Variants in ELAPOR1 observed in about 807,000 individuals in gnomAD.
ELAPOR1 encodes the protein endosome-lysosome associated apoptosis and autophagy regulator 1.
ELAPOR1 carries 77 observed loss-of-function variants against 119.7 expected under a neutral mutation model. That is an observed-to-expected ratio of 0.64 (90% confidence interval 0.54 to 0.78). The LOEUF is 0.78. Ranked by LOEUF, ELAPOR1 falls within the 30% of genes least tolerant of loss-of-function variation. ELAPOR1 has a pLI of 0.00. For missense variants in ELAPOR1, 1,115 were observed against 1,270.4 expected (o/e 0.88, Z 1.86); for synonymous variants, 481 against 487.2 (o/e 0.99, Z 0.17).
chr1:109,149,689 A>G (rs1433660064), intron 1 of ELAPOR1, among the ~76,000 whole-genome samples: 1 of 152,186 alleles, frequency 6.6e-6, no homozygotes, highest in Non-Finnish European at 1.5e-5. Flanking sequence ...TGTTCTGAAG[A>G]CACTTACATT....
intron 1 of ELAPOR1, among the ~76,000 whole-genome samples, chr1:109,133,980 G>A (rs1649304404): frequency 6.6e-6 from 1 of 152,180 alleles, no homozygotes; most frequent in East Asian, 1.9e-4. Flanking sequence ...GTGGACTCCT[G>A]TTCCCAGTGA....
At chr1:109,142,286 C>A (rs972943465) in intron 1 of ELAPOR1, among the ~76,000 whole-genome samples, 1 of 152,084 alleles carries the variant, frequency 6.6e-6, no homozygotes, top group Admixed American at 6.6e-5. Flanking sequence ...AACTAGAAGA[C>A]GTATAGGTAG....
rs567022150 is a variant in ELAPOR1, at chr1:109,124,630, A to G, written c.153+10294A>G. 6.6e-5 allele frequency among the ~76,000 whole-genome samples: 10 copies of G among 152,290 alleles called. No individual in the cohort carries two copies. The South Asian group carries it at 2.1e-3, about 32-fold the overall frequency. ...GCATATATATTTCATATTGTTCCCT[A>G]TTTCTCCATTTATCTTTTGGAGAAA... On this transcript the variant is annotated intron_variant, in intron 1 of 21. Transcript: ENST00000369939.
intron 8 of ELAPOR1, chr1:109,186,724 C>A (rs779627883): frequency 5.1e-6 from 5 of 985,558 alleles, no homozygotes; most frequent in Non-Finnish European, 6.0e-6. Flanking sequence ...TCCTGCTGCT[C>A]TTCTCCCTCC....
At chr1:109,197,877 A>G in intron 16 of ELAPOR1, 102 bp from the exon 17 acceptor site, 1 of 1,117,346 alleles carries the variant, frequency 8.9e-7, no homozygotes, top group South Asian at 1.3e-5. Context: ...CAGGGATGTG[A>G]TGAGATGAAG....
chr1:109,134,406 G>A (rs36005322), intron 1 of ELAPOR1, among the ~76,000 whole-genome samples: 16,397 of 152,070 alleles, frequency 0.11, 1,282 homozygotes, highest in African/African-American at 0.22. Context: ...GACCTCACAG[G>A]GCTGTGGGCC....
chr1:109,149,197 G>A (rs1275740888), intron 1 of ELAPOR1, among the ~76,000 whole-genome samples: 1 of 152,142 alleles, frequency 6.6e-6, no homozygotes, highest in Non-Finnish European at 1.5e-5. Context: ...TAACTGCTGA[G>A]GATTATCACA....
At chr1:109,191,702 T>G in intron 12 of ELAPOR1, 24 bp from the exon 13 acceptor site, 1 of 1,613,744 alleles carries the variant, frequency 6.2e-7, no homozygotes, top group Non-Finnish European at 8.5e-7. Context: ...TCGCACCCGC[T>G]TCACTTGTCT....
At position 109,164,808 on chromosome 1, in the gene ELAPOR1, G is replaced by A. The variant is rs533016375; in HGVS notation, c.467+117G>A. 1.0e-4 allele frequency: 102 copies of A among 1,010,500 alleles called. 1 individual carries two copies. The African/African-American group carries it at 1.5e-3, about 14-fold the overall frequency. The allele number at this position is 1,010,500 out of a possible 1,614,324, so 62.6% of individuals were successfully genotyped here. On this transcript the variant is annotated intron_variant, in intron 3 of 21. Transcript: ENST00000369939. Reference sequence around the variant, plus strand: ...TGGGCAGGGAGGATGGAGGGAAGAGGAAGCCAGGCTGCCAGGGTGAGGCCT... The same window carrying A: ...TGGGCAGGGAGGATGGAGGGAAGAGAAAGCCAGGCTGCCAGGGTGAGGCCT...
At chr1:109,178,884 G>T (rs1035928289) in intron 7 of ELAPOR1, among the ~76,000 whole-genome samples, 3 of 151,598 alleles carry the variant, frequency 2.0e-5, no homozygotes, top group African/African-American at 7.3e-5. Flanking sequence ...AGAATCACTT[G>T]AACCTGGGAG....
intron 21 of ELAPOR1, 147 bp from the exon 22 acceptor site, chr1:109,202,797 G>C (rs1204790668): frequency 1.3e-6 from 1 of 797,656 alleles, no homozygotes; most frequent in Non-Finnish European, 2.2e-6. Context: ...AAGCAGAATA[G>C]AGGGTATCTC....
intron 17 of ELAPOR1, among the ~76,000 whole-genome samples, 194 bp from the exon 18 acceptor site, chr1:109,198,379 C>T (rs1653958515): frequency 6.6e-6 from 1 of 152,218 alleles, no homozygotes; most frequent in African/African-American, 2.4e-5. Context: ...GGGCATTTCC[C>T]CCTTGACTAC....
intron 3 of ELAPOR1, among the ~76,000 whole-genome samples, chr1:109,168,571 A>G (rs1651731224): frequency 6.6e-6 from 1 of 152,204 alleles, no homozygotes; most frequent in African/African-American, 2.4e-5. Context: ...ATCAGAAACT[A>G]GGATAAGCTA....
chr1:109,153,281 T>A (rs1020223613), intron 1 of ELAPOR1, among the ~76,000 whole-genome samples: 1 of 152,192 alleles, frequency 6.6e-6, no homozygotes, highest in Non-Finnish European at 1.5e-5. Flanking sequence ...AAACTCATAC[T>A]CTTTAACCTA....
intron 15 of ELAPOR1, among the ~76,000 whole-genome samples, chr1:109,197,159 A>T (rs951092928): frequency 6.7e-6 from 1 of 150,220 alleles, no homozygotes; most frequent in Non-Finnish European, 1.5e-5. Context: ...AAAAAAAATT[A>T]ACCTGCGGTT....
intron 1 of ELAPOR1, among the ~76,000 whole-genome samples, chr1:109,153,459 T>A (rs1009056818): frequency 6.6e-6 from 1 of 152,314 alleles, no homozygotes; most frequent in Middle Eastern, 3.4e-3. Context: ...GGGAAAGTGC[T>A]TTTGACCTAA....
At chr1:109,162,855 G>T (rs540006475) in intron 2 of ELAPOR1, among the ~76,000 whole-genome samples, 12 of 152,370 alleles carry the variant, frequency 7.9e-5, no homozygotes, top group Non-Finnish European at 1.5e-4. Flanking sequence ...GCTGACTTCA[G>T]TGAGTCCCAC....
At chr1:109,191,993 A>G in intron 13 of ELAPOR1, 130 bp downstream of exon 13, 1 of 1,136,252 alleles carries the variant, frequency 8.8e-7, no homozygotes, top group South Asian at 1.5e-5. Context: ...GGTCAAGCAG[A>G]AAACTGCCTA....
chr1:109,125,488 G>C (rs973071062), intron 1 of ELAPOR1, among the ~76,000 whole-genome samples: 2 of 151,698 alleles, frequency 1.3e-5, no homozygotes, highest in Non-Finnish European at 2.9e-5. Context: ...CGCCTCCCGG[G>C]TTCAAGTGAT....
Sources: gnomAD v4.1 joint callset for allele counts (sites outside exome capture counted in the v4.1 genomes callset) on GRCh38, gnomAD v4.1.1 for gene constraint, MANE v1.5 for transcripts, NCBI Gene and HGNC (gene_info 2026-07-23, HGNC 2026-07-21) for gene names.